CDKAL1: variants seen among roughly 807,000 people sequenced by gnomAD.
CDKAL1 encodes the protein threonylcarbamoyladenosine tRNA methylthiotransferase.
CDKAL1 carries 32 observed loss-of-function variants against 68.2 expected under a neutral mutation model. The observed-to-expected ratio is 0.47, with a 90% CI of 0.35 to 0.63. CDKAL1 has a LOEUF of 0.63. Ranked by LOEUF, CDKAL1 falls within the 30% of genes least tolerant of loss-of-function variation. The pLI is 0.00. For missense variants in CDKAL1, 606 were observed against 696.7 expected (o/e 0.87, Z 1.47); for synonymous variants, 234 against 244.3 (o/e 0.96, Z 0.39).
At chr6:20,653,847 G>A (rs1048914781) in intron 5 of CDKAL1, among the ~76,000 whole-genome samples, 2 of 151,836 alleles carry the variant, frequency 1.3e-5, no homozygotes, top group Non-Finnish European at 2.9e-5. Context: ...TCCTGACCTC[G>A]TGATCCGCCT....
chr6:21,092,350 A>AACCCTTCATCT (rs965560301), intron 12 of CDKAL1, among the ~76,000 whole-genome samples: 1 of 151,168 alleles, frequency 6.6e-6, no homozygotes, highest in African/African-American at 2.4e-5. Context: ...TGCACCTGTC[A>AACCCTTCATCT]ACCCTTCATC....
chr6:20,732,474 A>G (rs113721586), intron 5 of CDKAL1, among the ~76,000 whole-genome samples: 2 of 144,636 alleles, frequency 1.4e-5, no homozygotes, highest in Non-Finnish European at 3.0e-5. Flanking sequence ...TTTAGTAGAG[A>G]TCGGGTTTCA....
intron 9 of CDKAL1, among the ~76,000 whole-genome samples, chr6:20,896,965 T>A (rs1022003497): frequency 1.3e-5 from 2 of 152,244 alleles, no homozygotes; most frequent in Non-Finnish European, 2.9e-5. Flanking sequence ...TTAGTCTACT[T>A]GGACTGCTAT....
chr6:20,857,185 T>C (rs960633042), intron 9 of CDKAL1, among the ~76,000 whole-genome samples: 3 of 152,224 alleles, frequency 2.0e-5, no homozygotes, highest in Non-Finnish European at 4.4e-5. Context: ...TTTCTTGTTA[T>C]TTGTAATATA....
intron 15 of CDKAL1, among the ~76,000 whole-genome samples, chr6:21,224,758 G>C (rs1263475114): frequency 6.6e-6 from 1 of 152,064 alleles, no homozygotes. Flanking sequence ...CTAGGTTTGT[G>C]GTGTTTTGTT....
chr6:21,127,155 C>T (rs558484328), intron 13 of CDKAL1, among the ~76,000 whole-genome samples: 2 of 152,214 alleles, frequency 1.3e-5, no homozygotes, highest in Non-Finnish European at 2.9e-5. Flanking sequence ...GATTTTTACC[C>T]CAGGAACTGA....
chr6:20,817,569 C>T lies in CDKAL1; in HGVS notation c.639-28506C>T, dbSNP rs1031382928. On this transcript the variant is annotated intron_variant, in intron 8 of 15. Coordinates refer to ENST00000274695, the MANE Select transcript of CDKAL1 (RefSeq NM_017774.3). ...AATCATGTGCCATGAACACAATGTG[C>T]GGGGTGGCCCTGGCAGACTGTTCAC... is the stretch of plus-strand genomic sequence containing the variant. Among the ~76,000 whole-genome samples the T allele has an allele frequency of 2.6e-4, 40 of 152,044 alleles. 1 individual carries two copies. The highest frequency in any genetic ancestry group is 1.5e-4 in the Non-Finnish European group (10 of 67,990).
intron 11 of CDKAL1, among the ~76,000 whole-genome samples, chr6:21,008,507 A>G (rs1349212123): frequency 1.3e-5 from 2 of 152,206 alleles, no homozygotes; most frequent in Non-Finnish European, 2.9e-5. Context: ...TGTTATTGAG[A>G]GTTGCCTCTT....
At chr6:21,081,681 C>T (rs1023716698) in intron 12 of CDKAL1, among the ~76,000 whole-genome samples, 2 of 151,404 alleles carry the variant, frequency 1.3e-5, no homozygotes, top group East Asian at 2.0e-4. Context: ...AAGCAATTCT[C>T]CTGCCTCAGC....
intron 13 of CDKAL1, among the ~76,000 whole-genome samples, chr6:21,166,332 C>A (rs58125738): frequency 6.6e-6 from 1 of 152,012 alleles, no homozygotes; most frequent in Non-Finnish European, 1.5e-5. Context: ...AATGAGGGAC[C>A]GTTAAAATGT....
At chr6:21,009,489 A>G (rs960164529) in intron 11 of CDKAL1, among the ~76,000 whole-genome samples, 3 of 152,250 alleles carry the variant, frequency 2.0e-5, no homozygotes, top group African/African-American at 7.2e-5. Context: ...GTGCTACAGC[A>G]GTCCCACTAC....
intron 4 of CDKAL1, among the ~76,000 whole-genome samples, chr6:20,635,416 A>G (rs1407074659): frequency 6.6e-6 from 1 of 152,122 alleles, no homozygotes; most frequent in Non-Finnish European, 1.5e-5. Flanking sequence ...GATCCCAGCT[A>G]TTGGGCTCTT....
rs1194548944 is a variant in CDKAL1, at chr6:20,788,326, A to G, written c.638+7061A>G. 2.0e-5 allele frequency among the ~76,000 whole-genome samples: 3 copies of G among 152,240 alleles called. No individual in the cohort carries two copies. The East Asian group carries it at 5.8e-4, about 29-fold the overall frequency. On this transcript the variant is annotated intron_variant, in intron 8 of 15. Coordinates refer to ENST00000274695, the MANE Select transcript of CDKAL1 (RefSeq NM_017774.3). ...AAAGTAAATGTATAGTTTTCCTAACATGGCTCTCATGAAACTTAAAATCTA... is the reference window on the plus strand; with the variant it reads ...AAAGTAAATGTATAGTTTTCCTAACGTGGCTCTCATGAAACTTAAAATCTA...
At chr6:21,022,424 C>G (rs1370948613) in intron 11 of CDKAL1, among the ~76,000 whole-genome samples, 1 of 152,148 alleles carries the variant, frequency 6.6e-6, no homozygotes, top group Admixed American at 6.5e-5. Context: ...GAGATGTAAT[C>G]AGTTTCAGTT....
chr6:20,659,255 A>C, intron 5 of CDKAL1, among the ~76,000 whole-genome samples: 1 of 152,324 alleles, frequency 6.6e-6, no homozygotes, highest in South Asian at 2.1e-4. Flanking sequence ...TTATACTTTA[A>C]ATAATACTAT....
At chr6:20,668,458 AGT>A (rs142652484) in intron 5 of CDKAL1, among the ~76,000 whole-genome samples, 51 of 152,296 alleles carry the variant, frequency 3.3e-4, no homozygotes, top group African/African-American at 1.2e-3. Context: ...CAGCCTCCTG[AGT>A]AGCTGGGACT....
intron 4 of CDKAL1, among the ~76,000 whole-genome samples, chr6:20,574,065 TA>T (rs1764816598): frequency 6.6e-6 from 1 of 152,214 alleles, no homozygotes; most frequent in East Asian, 1.9e-4. Context: ...CTAAATTGTT[TA>T]TATTATATGA....
intron 5 of CDKAL1, among the ~76,000 whole-genome samples, chr6:20,650,853 C>G (rs556661332): frequency 7.9e-5 from 12 of 152,276 alleles, no homozygotes; most frequent in Non-Finnish European, 1.2e-4. Context: ...TGTTGAAGAT[C>G]AGATGGTTGT....
intron 13 of CDKAL1, among the ~76,000 whole-genome samples, chr6:21,185,433 G>C (rs1217370884): frequency 6.6e-6 from 1 of 152,126 alleles, no homozygotes; most frequent in Non-Finnish European, 1.5e-5. Context: ...CACCCTGGAA[G>C]AATTTTTAAA....
Sources: allele counts gnomAD v4.1 joint callset (sites outside exome capture counted in the v4.1 genomes callset), GRCh38; gene constraint gnomAD v4.1.1; transcripts MANE v1.5; gene names NCBI Gene and HGNC (gene_info 2026-07-23, HGNC 2026-07-21).